The following FTO variants were observed in gnomAD, a reference collection of about 807,000 sequenced individuals.
FTO encodes FTO alpha-ketoglutarate dependent dioxygenase, also known as alpha-ketoglutarate-dependent dioxygenase FTO.
FTO carries 47 observed loss-of-function variants against 63.9 expected under a neutral mutation model. The ratio of observed to expected loss-of-function variants is 0.74; its 90% CI spans 0.58 to 0.94. The LOEUF (loss-of-function observed/expected upper bound fraction) is 0.94. Among genes scored for constraint, FTO ranks in the 40% least tolerant of loss-of-function variants. FTO has a pLI of 0.00. For missense variants in FTO, 562 were observed against 618.1 expected (o/e 0.91, Z 0.96); for synonymous variants, 207 against 224.4 (o/e 0.92, Z 0.69).
In FTO at chr16:53,826,332, G is replaced by A. The variant is rs761651552; in HGVS notation, c.592G>A (p.Ala198Thr). Residue 198 changes from alanine (A) to threonine (T), a missense_variant, in exon 3 of 9, where the codon GCA becomes ACA. Physicochemically the swap from Ala to Thr is moderately conservative, Grantham distance 58. Transcript: ENST00000471389. ...QDEVDIKSRAAYNVTLLNFMD... is the reference protein window; with the variant it reads ...QDEVDIKSRATYNVTLLNFMD... ...TGAAGTGGACATTAAGAGCAGAGCA[G>A]CATACAACGTAACTTTGCTGAATTT... The A allele has an allele frequency of 6.2e-7, 1 of 1,614,204 alleles. No homozygotes were observed. Among genetic ancestry groups the A allele is most frequent in the Non-Finnish European group, 8.5e-7 (1 of 1,180,050 alleles).
chr16:53,807,203 T>C (rs2078396639), intron 1 of FTO, among the ~76,000 whole-genome samples: 1 of 152,216 alleles, frequency 6.6e-6, no homozygotes. Flanking sequence ...TTTTTATCTG[T>C]AGGGTCTTAA....
intron 8 of FTO, among the ~76,000 whole-genome samples, chr16:54,084,951 C>T (rs918031): frequency 0.53 from 81,036 of 152,002 alleles, 21,803 homozygotes; most frequent in Middle Eastern, 0.59. Context: ...AAATCCCAGG[C>T]CTTGGGAAGA....
At chr16:53,883,494 C>T (rs1219480923) in intron 6 of FTO, among the ~76,000 whole-genome samples, 4 of 151,784 alleles carry the variant, frequency 2.6e-5, no homozygotes, top group South Asian at 2.1e-4. Flanking sequence ...TGGTGGCGGG[C>T]GCCTGTAATC....
intron 8 of FTO, among the ~76,000 whole-genome samples, chr16:53,965,444 G>A (rs1272197365): frequency 6.6e-6 from 1 of 152,158 alleles, no homozygotes; most frequent in Non-Finnish European, 1.5e-5. Context: ...ACTAGGGGTA[G>A]CAGTATCATT....
chr16:53,895,462 G>C (rs900986392), intron 7 of FTO, among the ~76,000 whole-genome samples: 5 of 152,178 alleles, frequency 3.3e-5, no homozygotes, highest in African/African-American at 9.7e-5. Context: ...GAAACCGTCT[G>C]ATAGTGTTCA....
chr16:53,855,303 G>T (rs1304101702), intron 4 of FTO, among the ~76,000 whole-genome samples: 2 of 152,006 alleles, frequency 1.3e-5, no homozygotes, highest in Non-Finnish European at 2.9e-5. Context: ...TGGTTGCTCT[G>T]GCTGGGACTT....
chr16:53,809,257 A>T (rs1292015660), intron 1 of FTO, among the ~76,000 whole-genome samples: 1 of 152,216 alleles, frequency 6.6e-6, no homozygotes, highest in Non-Finnish European at 1.5e-5. Flanking sequence ...AGAAACAAAG[A>T]TGTTTAACAC....
At chr16:54,063,719 T>C (rs1444132028) in intron 8 of FTO, 2 of 143,342 alleles carry the variant, frequency 1.4e-5, no homozygotes, top group Non-Finnish European at 3.0e-5. Flanking sequence ...TTCAGTAGAA[T>C]ATTTTGACCC....
chr16:53,800,430 A>G (rs1361643601), intron 1 of FTO, among the ~76,000 whole-genome samples: 1 of 152,168 alleles, frequency 6.6e-6, no homozygotes, highest in Non-Finnish European at 1.5e-5. Flanking sequence ...CAAATATTGT[A>G]TGTGTATTTG....
intron 3 of FTO, among the ~76,000 whole-genome samples, chr16:53,834,784 G>T (rs1168017011): frequency 6.6e-6 from 1 of 152,010 alleles, no homozygotes; most frequent in African/African-American, 2.4e-5. Context: ...TTCAGGTAAT[G>T]CTTTTGGTAG....
intron 8 of FTO, among the ~76,000 whole-genome samples, chr16:54,105,490 C>A (rs1227185642): frequency 6.6e-6 from 1 of 152,138 alleles, no homozygotes; most frequent in Non-Finnish European, 1.5e-5. Flanking sequence ...CGCCCTGGCT[C>A]ACTTGCACAC....
intron 8 of FTO, among the ~76,000 whole-genome samples, chr16:54,104,332 G>T (rs11860286): frequency 3.5e-5 from 5 of 143,536 alleles, no homozygotes; most frequent in Admixed American, 2.1e-4. Context: ...TTTTTTTTTG[G>T]GATGGAGTTT....
intron 6 of FTO, among the ~76,000 whole-genome samples, chr16:53,882,143 A>G (rs542377164): frequency 6.6e-6 from 1 of 152,296 alleles, no homozygotes; most frequent in East Asian, 1.9e-4. Context: ...CCAATCTGAG[A>G]CTTTCTTTTT....
intron 1 of FTO, among the ~76,000 whole-genome samples, chr16:53,746,093 C>T (rs2076645589): frequency 6.6e-6 from 1 of 152,204 alleles, no homozygotes; most frequent in South Asian, 2.1e-4. Flanking sequence ...AAGTTTTCCT[C>T]TAGAGGAGTG....
chr16:53,708,468 A>T (rs140015075), intron 1 of FTO, among the ~76,000 whole-genome samples: 1 of 152,196 alleles, frequency 6.6e-6, no homozygotes, highest in Non-Finnish European at 1.5e-5. Flanking sequence ...CTATTATGGA[A>T]AATGCTACTG....
At chr16:53,924,515 GT>G (rs755786547) in intron 7 of FTO, among the ~76,000 whole-genome samples, 49 of 151,738 alleles carry the variant, frequency 3.2e-4, no homozygotes, top group Non-Finnish European at 6.5e-4. Context: ...AGCCTGCTTT[GT>G]TGGCAGCCTC....
intron 7 of FTO, among the ~76,000 whole-genome samples, chr16:53,896,583 CT>C (rs2081284177): frequency 6.6e-6 from 1 of 152,082 alleles, no homozygotes; most frequent in South Asian, 2.1e-4. Context: ...ATCACTAAAA[CT>C]GTTGCCTCTT....
chr16:53,963,767 A>G (rs773832292), intron 8 of FTO, among the ~76,000 whole-genome samples: 9 of 152,094 alleles, frequency 5.9e-5, no homozygotes, highest in Non-Finnish European at 1.3e-4. Flanking sequence ...TCTTTTCTTT[A>G]TAAATTATCC....
chr16:54,101,344 A>T, intron 8 of FTO, among the ~76,000 whole-genome samples: 1 of 152,118 alleles, frequency 6.6e-6, no homozygotes, highest in East Asian at 1.9e-4. Context: ...ATAGGTTCTT[A>T]TCATTTAACT....
Sources: gnomAD v4.1 joint callset for allele counts (sites outside exome capture counted in the v4.1 genomes callset) on GRCh38, gnomAD v4.1.1 for gene constraint, MANE v1.5 for transcripts, NCBI Gene and HGNC (gene_info 2026-07-23, HGNC 2026-07-21) for gene names.